Variants in TAOK3 observed in about 807,000 individuals in gnomAD.
TAOK3 encodes the protein TAO kinase 3, also known as serine/threonine-protein kinase TAO3.
A neutral mutation model predicts 120.4 loss-of-function variants in TAOK3; 40 were observed. That is an observed-to-expected ratio of 0.33 (90% CI 0.26 to 0.43). The LOEUF is 0.43. Among genes scored for constraint, TAOK3 ranks in the 20% least tolerant of loss-of-function variants. The pLI is 1.00. For synonymous variants in TAOK3, 355 were observed against 387.5 expected, an observed-to-expected ratio of 0.92 and a Z score of 0.99; for missense variants, 821 against 1,112.1, an observed-to-expected ratio of 0.74 and a Z score of 3.72.
chr12:118,217,811 G>GTGTGTATATATATA (rs1353848789), intron 9 of TAOK3, among the ~76,000 whole-genome samples: 1 of 75,402 alleles, frequency 1.3e-5, no homozygotes, highest in Admixed American at 1.6e-4. Flanking sequence ...GTGTGTGTGT[G>GTGTGTATATATATA]TATACATATA....
intron 1 of TAOK3, among the ~76,000 whole-genome samples, chr12:118,299,355 A>G (rs1229469453): frequency 6.6e-6 from 1 of 152,186 alleles, no homozygotes; most frequent in Non-Finnish European, 1.5e-5. Flanking sequence ...TCTTGAGTTC[A>G]AATATAGTAC....
chr12:118,265,235 A>G (rs1016405587), intron 2 of TAOK3, among the ~76,000 whole-genome samples: 8 of 151,454 alleles, frequency 5.3e-5, no homozygotes, highest in Non-Finnish European at 1.2e-4. Flanking sequence ...CTAAAAATAC[A>G]AAAACTAGCC....
At chr12:118,244,780 G>T in intron 4 of TAOK3, 114 bp downstream of exon 4, 2 of 671,214 alleles carry the variant, frequency 3.0e-6, no homozygotes, top group Non-Finnish European at 2.7e-6. Context: ...CGCCCACCTC[G>T]GCCTCGCAAA....
intron 17 of TAOK3, among the ~76,000 whole-genome samples, chr12:118,167,003 C>T (rs1159694049): frequency 6.6e-6 from 1 of 152,102 alleles, no homozygotes; most frequent in African/African-American, 2.4e-5. Context: ...GCGGATTTCA[C>T]TCATGCCAAA....
intron 1 of TAOK3, among the ~76,000 whole-genome samples, chr12:118,314,928 CTT>C (rs913291664): frequency 7.0e-6 from 1 of 143,434 alleles, no homozygotes; most frequent in Admixed American, 7.0e-5. Flanking sequence ...TTTTCTTTTT[CTT>C]TTTTTTTTTT....
intron 1 of TAOK3, among the ~76,000 whole-genome samples, chr12:118,267,210 GATT>G (rs1321238438): frequency 7.2e-5 from 11 of 152,014 alleles, no homozygotes; most frequent in Non-Finnish European, 1.5e-4. Flanking sequence ...TCAGGGTGAT[GATT>G]ATTATTTATT....
At chr12:118,339,387 C>A (rs1048599876) in intron 1 of TAOK3, among the ~76,000 whole-genome samples, 2 of 143,674 alleles carry the variant, frequency 1.4e-5, no homozygotes, top group African/African-American at 5.2e-5. Flanking sequence ...AGCGTTCAGG[C>A]GATTCTCCTG....
intron 1 of TAOK3, among the ~76,000 whole-genome samples, chr12:118,302,250 A>AAG (rs1334379386): frequency 6.6e-6 from 1 of 152,222 alleles, no homozygotes; most frequent in African/African-American, 2.4e-5. Flanking sequence ...AAATGCTGGC[A>AAG]AGAGGGAAAA....
chr12:118,168,630 A>C (rs553249121), intron 17 of TAOK3, among the ~76,000 whole-genome samples: 1 of 152,352 alleles, frequency 6.6e-6, no homozygotes, highest in African/African-American at 2.4e-5. Flanking sequence ...GCTCTGGAAT[A>C]AGACTAAACA....
chr12:118,239,895 A>T (rs1354671275), intron 5 of TAOK3, among the ~76,000 whole-genome samples: 4 of 152,168 alleles, frequency 2.6e-5, no homozygotes, highest in African/African-American at 9.7e-5. Context: ...GGCTAGGTGC[A>T]GCGGCTCACG....
At chr12:118,153,761 T>G (rs2034616040) in intron 19 of TAOK3, among the ~76,000 whole-genome samples, 2 of 152,230 alleles carry the variant, frequency 1.3e-5, no homozygotes, top group South Asian at 4.1e-4. Context: ...ATTCTCCACC[T>G]TATGTACAAT....
At position 118,202,773 on chromosome 12, in the gene TAOK3, C is replaced by CTTTT. The variant is rs58282262; in HGVS notation, c.820-1314_820-1311dup. 1.4e-3 allele frequency among the ~76,000 whole-genome samples: 140 copies of CTTTT among 100,634 alleles called. 3 individuals are homozygous for CTTTT. Among genetic ancestry groups the CTTTT allele is most frequent in the East Asian group, 9.2e-3 (22 of 2,394 alleles). 66.0% of individuals were successfully genotyped at this position (100,634 alleles called of 152,430 possible). A position where few individuals can be genotyped will look rare whatever the true frequency, so the allele number is the denominator to read the frequency against. ...GAAGCAATGCATAGTATAGTCTATTCTTTTTTTTTTTTTTTTTTTTTTTTG... is the reference window on the plus strand; with the variant it reads ...GAAGCAATGCATAGTATAGTCTATTCTTTTTTTTTTTTTTTTTTTTTTTTTTTTG... On this transcript the variant is annotated intron_variant, in intron 11 of 20. Coordinates refer to ENST00000392533, the MANE Select transcript of TAOK3 (RefSeq NM_016281.4).
intron 1 of TAOK3, among the ~76,000 whole-genome samples, chr12:118,350,860 CAAA>C (rs200170595): frequency 2.7e-5 from 2 of 73,276 alleles, no homozygotes. Flanking sequence ...AACTCCGTCT[CAAA>C]AAAAAAAAAA....
chr12:118,204,934 G>A lies in TAOK3; in HGVS notation c.820-3471C>T, dbSNP rs531866522. Among the ~76,000 whole-genome samples the A allele has an allele frequency of 1.9e-4, 29 of 151,460 alleles. No individual in the cohort carries two copies. The East Asian group carries it at 4.5e-3, about 23-fold the overall frequency. ...TGTAATCCCAGCACTTGGGGAGGCC[G>A]AGGCAGGGGGATCACATGAGGTCAG... On this transcript the variant is annotated intron_variant, in intron 11 of 20. Coordinates refer to ENST00000392533, the MANE Select transcript of TAOK3 (RefSeq NM_016281.4).
intron 15 of TAOK3, among the ~76,000 whole-genome samples, chr12:118,177,956 T>C (rs1284998493): frequency 6.6e-6 from 1 of 151,174 alleles, no homozygotes; most frequent in Non-Finnish European, 1.5e-5. Flanking sequence ...AAGAATAACA[T>C]TTTTTTTTGA....
At chr12:118,322,137 A>G (rs993307916) in intron 1 of TAOK3, among the ~76,000 whole-genome samples, 1 of 151,988 alleles carries the variant, frequency 6.6e-6, no homozygotes. Context: ...CAACATGGCG[A>G]AACCACCTCT....
At position 118,238,119 on chromosome 12, in the gene TAOK3, C is replaced by A; in HGVS notation, c.391G>T (p.Ala131Ser). The A allele has an allele frequency of 1.2e-6, 2 of 1,612,166 alleles. No individual in the cohort carries two copies. The highest frequency in any genetic ancestry group is 2.2e-5 in the East Asian group (1 of 44,826). The part of the protein sequence containing the change: ...EVEIAAITHG[A>S]LHGLAYLHSH... Reference sequence around the variant, plus strand: ...TGTAGGTAGGCTAGTCCATGCAAGGCTCCATGAGTAATGGCAGCGATCTCC... The same window carrying A: ...TGTAGGTAGGCTAGTCCATGCAAGGATCCATGAGTAATGGCAGCGATCTCC... The change falls in exon 7 of 21, where the codon GCC becomes TCC. Residue 131 changes from alanine (A) to serine (S), a missense_variant. Ala to Ser is a moderately conservative substitution (Grantham distance 99, BLOSUM62 1). Transcript: ENST00000392533.
intron 9 of TAOK3, among the ~76,000 whole-genome samples, chr12:118,225,114 G>C (rs1349759964): frequency 6.6e-6 from 1 of 151,844 alleles, no homozygotes; most frequent in Non-Finnish European, 1.5e-5. Flanking sequence ...CGGGAGTGGT[G>C]GTGGGTGCCT....
In TAOK3 at chr12:118,235,659, T is replaced by A; in HGVS notation, c.450A>T (p.Ala150=). 6.2e-7 allele frequency: 1 copy of A among 1,607,918 alleles called. No homozygotes were observed. The highest frequency in any genetic ancestry group is 8.5e-7 in the Non-Finnish European group (1 of 1,176,250). The change falls in exon 8 of 21, where the codon GCA becomes GCT. Residue 150 remains alanine (A), a synonymous_variant. Coordinates refer to ENST00000392533, the MANE Select transcript of TAOK3 (RefSeq NM_016281.4). ...CTGGCTCTGTTAGAAGAATATTTCC[T>A]GCTTTAATATCCCTATAGGAAAAAA... ...SHALIHRDIK[A]GNILLTEPGQ...
Sources: gnomAD v4.1 joint callset for allele counts (sites outside exome capture counted in the v4.1 genomes callset) on GRCh38, gnomAD v4.1.1 for gene constraint, MANE v1.5 for transcripts, NCBI Gene and HGNC (gene_info 2026-07-23, HGNC 2026-07-21) for gene names.